The following RNFT2 variants were observed in gnomAD, a reference collection of about 807,000 sequenced individuals.
RNFT2 encodes the protein ring finger protein, transmembrane 2.
RNFT2 carries 36 observed loss-of-function variants against 53.0 expected under a neutral mutation model. That is an observed-to-expected ratio of 0.68 (90% confidence interval 0.52 to 0.90). RNFT2 has a LOEUF of 0.90. RNFT2 is among the 40% of genes least tolerant of loss of function. RNFT2 has a pLI of 0.00. For synonymous variants in RNFT2, 260 were observed against 253.2 expected (o/e 1.03, Z -0.26); for missense variants, 514 against 585.6 (o/e 0.88, Z 1.26).
intron 7 of RNFT2, among the ~76,000 whole-genome samples, chr12:116,798,179 C>G (rs1391601299): frequency 6.6e-6 from 1 of 151,126 alleles, no homozygotes; most frequent in Non-Finnish European, 1.5e-5. Context: ...TAGCCACCTA[C>G]AAGCCAAGGA....
intron 7 of RNFT2, among the ~76,000 whole-genome samples, chr12:116,798,563 T>C (rs1874617978): frequency 6.6e-6 from 1 of 152,050 alleles, no homozygotes; most frequent in Non-Finnish European, 1.5e-5. Context: ...TGCATTAGGT[T>C]TTTTTTATTT....
At chr12:116,841,940 TATATATAA>T (rs1364013294) in intron 10 of RNFT2, among the ~76,000 whole-genome samples, 1 of 26,898 alleles carries the variant, frequency 3.7e-5, no homozygotes, top group African/African-American at 3.0e-4. Flanking sequence ...TATATAAATA[TATATATAA>T]ATATATATAT....
At chr12:116,820,997 C>G (rs1296556891) in intron 7 of RNFT2, among the ~76,000 whole-genome samples, 1 of 152,068 alleles carries the variant, frequency 6.6e-6, no homozygotes, top group African/African-American at 2.4e-5. Flanking sequence ...TGTGTTTGAG[C>G]TTTCTCATCT....
chr12:116,745,550 CA>C (rs772344172), intron 3 of RNFT2, among the ~76,000 whole-genome samples: 40 of 152,236 alleles, frequency 2.6e-4, no homozygotes, highest in Non-Finnish European at 4.9e-4. Flanking sequence ...CATGAGCCAC[CA>C]TGCCTGGCCT....
At chr12:116,769,803 G>A (rs943774898) in intron 6 of RNFT2, among the ~76,000 whole-genome samples, 1 of 152,066 alleles carries the variant, frequency 6.6e-6, no homozygotes, top group Non-Finnish European at 1.5e-5. Flanking sequence ...AGGCCAAGGT[G>A]GGTGGATCAT....
At chr12:116,751,799 AC>A (rs1036220597) in intron 4 of RNFT2, among the ~76,000 whole-genome samples, 24 of 150,150 alleles carry the variant, frequency 1.6e-4, no homozygotes, top group African/African-American at 5.6e-4. Flanking sequence ...TCACTCTGTC[AC>A]CAGGCTGGAG....
intron 6 of RNFT2, among the ~76,000 whole-genome samples, chr12:116,776,567 T>G (rs1396265111): frequency 1.3e-5 from 2 of 152,192 alleles, no homozygotes; most frequent in Admixed American, 6.5e-5. Flanking sequence ...GAAGGTGTTG[T>G]GAGTGACTTG....
intron 5 of RNFT2, among the ~76,000 whole-genome samples, chr12:116,759,965 A>G (rs1439027989): frequency 2.0e-5 from 3 of 152,110 alleles, no homozygotes; most frequent in Non-Finnish European, 4.4e-5. Flanking sequence ...GTAGGAGGGA[A>G]GGACCATCGG....
chr12:116,843,517 C>A (rs1354450179), intron 10 of RNFT2, among the ~76,000 whole-genome samples: 3 of 146,216 alleles, frequency 2.1e-5, no homozygotes, highest in Non-Finnish European at 4.5e-5. Context: ...AAAAAAAAAC[C>A]CCAAGAAACA....
rs569857840 is a variant in RNFT2, at chr12:116,789,910, GTAGA to G, written c.882+10564_882+10567del. Among the ~76,000 whole-genome samples, 42 of 148,706 alleles carry G rather than the reference GTAGA, an allele frequency of 2.8e-4. No homozygotes were observed. In the South Asian group the frequency reaches 4.8e-3, roughly 17 times the overall value. ...TAGGAGAGTGGTGGGTGGATGGATG[GTAGA>G]TGGATGGATGGGAGGAGAGTGGATG... is the stretch of plus-strand genomic sequence containing the variant. On this transcript the variant is annotated intron_variant, in intron 7 of 10. Transcript: ENST00000257575.
intron 7 of RNFT2, among the ~76,000 whole-genome samples, chr12:116,816,090 C>A (rs775229712): frequency 4.6e-5 from 7 of 152,200 alleles, no homozygotes; most frequent in Non-Finnish European, 7.3e-5. Context: ...GCTCATCCAT[C>A]CACCTGGGAC....
intron 8 of RNFT2, 91 bp from the exon 9 acceptor site, chr12:116,835,869 G>C: frequency 1.5e-6 from 2 of 1,362,318 alleles, no homozygotes; most frequent in Non-Finnish European, 2.1e-6. Flanking sequence ...TCAAAAATGG[G>C]TGGAGGGTCA....
intron 10 of RNFT2, among the ~76,000 whole-genome samples, chr12:116,845,282 G>T (rs998841048): frequency 0.019 from 2,483 of 127,988 alleles, 35 homozygotes; most frequent in African/African-American, 0.033. Flanking sequence ...TATAGAGAGA[G>T]AGAGAGAGAG....
intron 5 of RNFT2, among the ~76,000 whole-genome samples, chr12:116,760,723 C>T (rs976725314): frequency 2.6e-5 from 4 of 152,104 alleles, no homozygotes; most frequent in Admixed American, 1.3e-4. Context: ...AGTCCGTTTC[C>T]TTCAGAGAGT....
At chr12:116,751,903 C>T (rs151179707) in intron 4 of RNFT2, among the ~76,000 whole-genome samples, 1,972 of 151,786 alleles carry the variant, frequency 0.013, 25 homozygotes, top group Middle Eastern at 0.031. Context: ...CTGCCTTGGC[C>T]TCCCAAAGTG....
intron 7 of RNFT2, among the ~76,000 whole-genome samples, chr12:116,820,115 C>T (rs1240085965): frequency 1.3e-5 from 2 of 152,154 alleles, no homozygotes; most frequent in Admixed American, 1.3e-4. Context: ...TTTTTAAAGA[C>T]AGTCTTACTG....
chr12:116,755,927 C>A, intron 5 of RNFT2: 1 of 1,099,036 alleles, frequency 9.1e-7, no homozygotes, highest in South Asian at 1.3e-5. Flanking sequence ...AAGATATGTC[C>A]TTATTTTTGT....
chr12:116,800,796 A>G (rs1272009552), intron 7 of RNFT2, among the ~76,000 whole-genome samples: 1 of 132,996 alleles, frequency 7.5e-6, no homozygotes, highest in African/African-American at 2.6e-5. Flanking sequence ...CCCAGGTGAC[A>G]GAGCAAGACT....
intron 3 of RNFT2, among the ~76,000 whole-genome samples, chr12:116,748,504 C>T (rs1221166105): frequency 6.6e-6 from 1 of 152,204 alleles, no homozygotes; most frequent in Non-Finnish European, 1.5e-5. Context: ...AACACCCCCA[C>T]CCCCAGAAAT....
Sources: gnomAD v4.1 joint callset for allele counts (sites outside exome capture counted in the v4.1 genomes callset) on GRCh38, gnomAD v4.1.1 for gene constraint, MANE v1.5 for transcripts, NCBI Gene and HGNC (gene_info 2026-07-23, HGNC 2026-07-21) for gene names.